Variants in C2CD5 observed in about 807,000 individuals in gnomAD.
The protein encoded by C2CD5 is C2 domain-containing protein 5.
A neutral mutation model predicts 130.3 loss-of-function variants in C2CD5; 109 were observed. The ratio of observed to expected loss-of-function variants is 0.84; its 90% CI spans 0.72 to 0.98. The LOEUF is 0.98. C2CD5 is among the 50% of genes least tolerant of loss of function. The pLI is 0.00. For missense variants in C2CD5, 996 were observed against 1,261.8 expected (o/e 0.79, Z 3.19); for synonymous variants, 454 against 429.2 (o/e 1.06, Z -0.71).
intron 2 of C2CD5, among the ~76,000 whole-genome samples, chr12:22,536,046 T>C (rs1323731307): frequency 6.6e-6 from 1 of 151,822 alleles, no homozygotes; most frequent in African/African-American, 2.4e-5. Flanking sequence ...AGCAACACAA[T>C]GTAGCACTAA....
intron 7 of C2CD5, among the ~76,000 whole-genome samples, chr12:22,522,883 TAA>T (rs944195466): frequency 6.6e-6 from 1 of 152,174 alleles, no homozygotes; most frequent in Non-Finnish European, 1.5e-5. Context: ...ATATCTGGAA[TAA>T]GTTTAATTTT....
intron 25 of C2CD5, among the ~76,000 whole-genome samples, chr12:22,454,913 G>A (rs1214845011): frequency 6.6e-6 from 1 of 152,156 alleles, no homozygotes; most frequent in African/African-American, 2.4e-5. Flanking sequence ...AAATCCAGTA[G>A]TTCAGGGTAC....
intron 22 of C2CD5, among the ~76,000 whole-genome samples, chr12:22,462,917 T>C (rs1198373108): frequency 1.3e-5 from 2 of 151,560 alleles, no homozygotes. Flanking sequence ...TGAAACCCCA[T>C]CACTACAAAA....
At chr12:22,510,255 C>T (rs1949040689) in intron 9 of C2CD5, among the ~76,000 whole-genome samples, 2 of 152,026 alleles carry the variant, frequency 1.3e-5, no homozygotes, top group Non-Finnish European at 2.9e-5. Context: ...ACAAGCACAT[C>T]CCGCTTTCAA....
chr12:22,471,289 G>A, intron 20 of C2CD5, 110 bp downstream of exon 20: 1 of 648,708 alleles, frequency 1.5e-6, no homozygotes, highest in Middle Eastern at 4.1e-4. Flanking sequence ...TTAATATTGT[G>A]AGGTAAACTA....
At chr12:22,509,007 GCTGGGACT>G (rs1948889397) in intron 9 of C2CD5, among the ~76,000 whole-genome samples, 1 of 151,660 alleles carries the variant, frequency 6.6e-6, no homozygotes, top group African/African-American at 2.4e-5. Flanking sequence ...CTCCCGAGTA[GCTGGGACT>G]ACAGGCGCCC....
In C2CD5 at chr12:22,474,850, A is replaced by G. The variant is rs1339292872; in HGVS notation, c.1944T>C (p.Pro648=). The change falls in exon 16 of 27, where the codon CCT becomes CCC. Residue 648 remains proline, a synonymous_variant. Transcript: ENST00000446597. ...EEIIGSPIPE[P]RQRSRLLRSQ... is the part of the protein sequence containing the mutation. ...ATCTTAGAAGTCTTGAGCGTTGCCT[A>G]GGTTCTGGGATGGGTGATCCTATAA... The G allele has an allele frequency of 1.9e-6, 3 of 1,606,852 alleles. No homozygotes were observed. The highest frequency in any genetic ancestry group is 4.5e-5 in the East Asian group (2 of 44,642).
intron 26 of C2CD5, among the ~76,000 whole-genome samples, chr12:22,451,304 G>GA (rs1938552457): frequency 6.6e-6 from 1 of 152,032 alleles, no homozygotes; most frequent in African/African-American, 2.4e-5. Flanking sequence ...ACAAAATTAA[G>GA]ATGGTTCATT....
rs185165749 is a variant in C2CD5 at position 22,533,713 on chromosome 12, G to A, written c.177+1545C>T. 2.6e-5 allele frequency among the ~76,000 whole-genome samples: 4 copies of A among 152,294 alleles called. No homozygotes were observed. In the East Asian group the frequency reaches 5.8e-4, roughly 22 times the overall value. On this transcript the variant is annotated intron_variant, in intron 3 of 26. Coordinates refer to ENST00000446597, the MANE Select transcript of C2CD5 (RefSeq NM_001286176.2). ...AAGGGAGGAATGAAAAGAGACCTGG[G>A]TGAGGAGATGGGAGGCTCTCCTTTT...
At chr12:22,473,589 C>T (rs1028079842) in intron 16 of C2CD5, among the ~76,000 whole-genome samples, 4 of 152,164 alleles carry the variant, frequency 2.6e-5, no homozygotes, top group African/African-American at 9.7e-5. Flanking sequence ...ACTTTGTTCT[C>T]ATGTGCCTCT....
At chr12:22,464,076 T>C (rs1941663370) in intron 22 of C2CD5, among the ~76,000 whole-genome samples, 2 of 152,202 alleles carry the variant, frequency 1.3e-5, no homozygotes, top group Admixed American at 6.5e-5. Flanking sequence ...ACCTGATCTA[T>C]AACGATACTC....
rs901289876 is a variant in C2CD5, at chr12:22,539,866, C to T, written c.90+4195G>A. On this transcript the variant is annotated intron_variant, in intron 2 of 26. Transcript: ENST00000446597. ...AAAATTAGCCAGGCATGGTGGTGCACTGGTAGTCCCAGCTACTCAGGAGGC... is the reference window on the plus strand; with the variant it reads ...AAAATTAGCCAGGCATGGTGGTGCATTGGTAGTCCCAGCTACTCAGGAGGC... 4.6e-5 allele frequency among the ~76,000 whole-genome samples: 7 copies of T among 151,962 alleles called. No individual in the cohort carries two copies. The South Asian group carries it at 1.5e-3, about 32-fold the overall frequency.
intron 12 of C2CD5, among the ~76,000 whole-genome samples, chr12:22,486,186 G>GA (rs35716305): frequency 0.063 from 6,989 of 111,290 alleles, 205 homozygotes; most frequent in Middle Eastern, 0.11. Context: ...GGCTTGAATG[G>GA]AAAAAAAAAA....
intron 22 of C2CD5, 77 bp from the exon 23 acceptor site, chr12:22,459,619 C>A (rs543475926): frequency 2.5e-6 from 2 of 815,002 alleles, no homozygotes; most frequent in Admixed American, 4.7e-5. Context: ...TTTGTTAATA[C>A]CTCTATAAGC....
intron 8 of C2CD5, among the ~76,000 whole-genome samples, chr12:22,516,333 G>T (rs1285292516): frequency 1.3e-5 from 2 of 151,414 alleles, no homozygotes; most frequent in African/African-American, 4.8e-5. Context: ...AAGGCCAAGG[G>T]GCTGAAAACT....
chr12:22,530,280 G>A (rs1482213121), intron 3 of C2CD5, among the ~76,000 whole-genome samples: 1 of 148,140 alleles, frequency 6.8e-6, no homozygotes, highest in African/African-American at 2.5e-5. Context: ...ATACACAACT[G>A]TGTGTGTATA....
At chr12:22,497,941 CAAT>C (rs1419768740) in intron 10 of C2CD5, among the ~76,000 whole-genome samples, 2 of 147,682 alleles carry the variant, frequency 1.4e-5, no homozygotes, top group Admixed American at 6.7e-5. Flanking sequence ...CACACACACA[CAAT>C]GTAACTGGAT....
At chr12:22,504,128 G>A (rs970518008) in intron 10 of C2CD5, among the ~76,000 whole-genome samples, 1 of 150,974 alleles carries the variant, frequency 6.6e-6, no homozygotes, top group Non-Finnish European at 1.5e-5. Flanking sequence ...CAATTAGCAT[G>A]AACTGGCACA....
In C2CD5 at chr12:22,457,105, C is replaced by T; in HGVS notation, c.2743G>A (p.Ala915Thr). The T allele has an allele frequency of 6.2e-7, 1 of 1,611,586 alleles. No individual in the cohort carries two copies. The highest frequency in any genetic ancestry group is 8.5e-7 in the Non-Finnish European group (1 of 1,179,114). The change falls in exon 25 of 27, where the codon GCT becomes ACT. Residue 915 changes from alanine (A) to threonine (T), a missense_variant. This residue lies in a region of C2CD5 where 590 missense variants were observed against 631.4 expected (regional missense o/e 0.93). Coordinates refer to ENST00000446597, the MANE Select transcript of C2CD5 (RefSeq NM_001286176.2). ...VGDGNFRNRS[A>T]PPCANSTVGV... ...ACTGTGGAATTTGCACAAGGTGGAG[C>T]AGAACGATTCCGGAAATTTCCATCA...
Sources: allele counts gnomAD v4.1 joint callset (sites outside exome capture counted in the v4.1 genomes callset), GRCh38; gene constraint gnomAD v4.1.1; regional missense constraint gnomAD v4.1.1; transcripts MANE v1.5; gene names NCBI Gene and HGNC (gene_info 2026-07-23, HGNC 2026-07-21).